Variants in MYOM1 observed in about 807,000 individuals in gnomAD.
MYOM1 encodes the protein myomesin 1.
In MYOM1, 164 loss-of-function variants were observed where a neutral mutation model predicts 205.3. The observed-to-expected ratio is 0.80, with a 90% CI of 0.70 to 0.91. The LOEUF (loss-of-function observed/expected upper bound fraction) is 0.91. Among genes scored for constraint, MYOM1 ranks in the 40% least tolerant of loss-of-function variants. The pLI is 0.00. For synonymous variants in MYOM1, 772 were observed against 789.4 expected (o/e 0.98, Z 0.37); for missense variants, 2,011 against 2,127.3 (o/e 0.95, Z 1.08).
In MYOM1 at chr18:3,219,198, G is replaced by C. The variant is rs1159785130; in HGVS notation, c.-29+605C>G. Among the ~76,000 whole-genome samples, 1 of 152,106 alleles carries C rather than the reference G, an allele frequency of 6.6e-6. No homozygotes were observed. Among genetic ancestry groups the C allele is most frequent in the African/African-American group, 2.4e-5 (1 of 41,424 alleles). On this transcript the variant is annotated intron_variant, in intron 1 of 37. Coordinates refer to ENST00000356443, the MANE Select transcript of MYOM1 (RefSeq NM_003803.4). The surrounding 1 kb of genome is among the most constrained non-coding windows in gnomAD (Gnocchi z 4.4). ...CATAGCTGTAATTTATGATACTTTTGTGCAGGCATTAGAGGGCAGAAGCTG... is the reference window on the plus strand; with the variant it reads ...CATAGCTGTAATTTATGATACTTTTCTGCAGGCATTAGAGGGCAGAAGCTG...
At chr18:3,094,958 TG>T (rs1598664327) in intron 25 of MYOM1, among the ~76,000 whole-genome samples, 1 of 152,252 alleles carries the variant, frequency 6.6e-6, no homozygotes, top group East Asian at 1.9e-4. Flanking sequence ...CTCATCTAGT[TG>T]GCATGTGCTG....
chr18:3,112,267 G>T (rs2079538015), intron 22 of MYOM1, 31 bp downstream of exon 22: 2 of 1,578,236 alleles, frequency 1.3e-6, no homozygotes, highest in Admixed American at 1.7e-5. Context: ...ACACAGATAG[G>T]ATTAGTTTTA....
chr18:3,096,495 C>T (rs2079306505), intron 25 of MYOM1, among the ~76,000 whole-genome samples: 1 of 149,970 alleles, frequency 6.7e-6, no homozygotes, highest in African/African-American at 2.5e-5. Flanking sequence ...GTCACCTAGG[C>T]AATGGCATGA....
chr18:3,164,436 A>T lies in MYOM1; in HGVS notation c.1343T>A (p.Val448Glu), dbSNP rs372285461. Reference sequence around the variant, plus strand: ...CACCCATTTTGATGGAGAAAGAGGTACTCCTAGAAATATTTTAAAAGTAAG... The same window carrying T: ...CACCCATTTTGATGGAGAAAGAGGTTCTCCTAGAAATATTTTAAAAGTAAG... The part of the protein sequence containing the change: ...QPEIQWYRNG[V>E]PLSPSKWVQT... Residue 448 changes from valine to glutamate, a missense_variant, in exon 10 of 38, where the codon GTA (valine) becomes GAA (glutamate). Coordinates refer to ENST00000356443, the MANE Select transcript of MYOM1 (RefSeq NM_003803.4). 1.3e-6 allele frequency: 2 copies of T among 1,587,686 alleles called. No individual in the cohort carries two copies. The highest frequency in any genetic ancestry group is 1.7e-6 in the Non-Finnish European group (2 of 1,170,378).
At chr18:3,228,534 A>C in the MYOM1 span, among the ~76,000 whole-genome samples, 3 of 152,210 alleles carry the variant, frequency 2.0e-5, no homozygotes, top group Non-Finnish European at 4.4e-5. The surrounding 1 kb of genome is among the most constrained non-coding windows in gnomAD (Gnocchi z 4.5). Context: ...TTTAAAAGTA[A>C]GAACCAGAAT....
chr18:3,218,088 C>T (rs1190016944), intron 1 of MYOM1, among the ~76,000 whole-genome samples: 5 of 152,174 alleles, frequency 3.3e-5, no homozygotes, highest in Non-Finnish European at 5.9e-5. Flanking sequence ...AGCAGTTCTA[C>T]TAAAAGTCAA....
chr18:3,217,687 C>G (rs1376300208), intron 1 of MYOM1, among the ~76,000 whole-genome samples: 1 of 152,086 alleles, frequency 6.6e-6, no homozygotes, highest in Non-Finnish European at 1.5e-5. Flanking sequence ...GACCATTATA[C>G]ACAGAAAAGG....
chr18:3,138,835 TG>T (rs774974002), intron 14 of MYOM1, among the ~76,000 whole-genome samples: 1 of 152,200 alleles, frequency 6.6e-6, no homozygotes, highest in Non-Finnish European at 1.5e-5. Flanking sequence ...AAGACAAGCC[TG>T]GGAAGATTGA....
At chr18:3,201,063 C>T (rs1055174536) in intron 2 of MYOM1, among the ~76,000 whole-genome samples, 3 of 151,982 alleles carry the variant, frequency 2.0e-5, no homozygotes, top group African/African-American at 4.8e-5. Flanking sequence ...AAAATGGCAC[C>T]GACATGACAT....
At chr18:3,183,486 T>C (rs1598749505) in intron 5 of MYOM1, among the ~76,000 whole-genome samples, 1 of 152,076 alleles carries the variant, frequency 6.6e-6, no homozygotes, top group African/African-American at 2.4e-5. Flanking sequence ...TGAGTGAAGG[T>C]GTCCAGTGGA....
At chr18:3,085,405 C>CT (rs1357966938) in intron 30 of MYOM1, among the ~76,000 whole-genome samples, 1 of 151,942 alleles carries the variant, frequency 6.6e-6, no homozygotes, top group African/African-American at 2.4e-5. Context: ...GCCACTGCAC[C>CT]TCACCTGCTA....
intron 15 of MYOM1, 73 bp from the exon 16 acceptor site, chr18:3,134,897 C>G (rs2079933729): frequency 7.0e-7 from 1 of 1,438,572 alleles, no homozygotes; most frequent in Admixed American, 1.7e-5. Context: ...TGCACAAACA[C>G]ACACCTAGGT....
At chr18:3,168,336 C>T (rs537021299) in intron 9 of MYOM1, among the ~76,000 whole-genome samples, 6 of 152,064 alleles carry the variant, frequency 3.9e-5, no homozygotes, top group East Asian at 1.9e-4. Context: ...GTCGCCCAGG[C>T]GGAGTGCAAT....
At chr18:3,128,769 C>T (rs147407538) in intron 18 of MYOM1, among the ~76,000 whole-genome samples, 11 of 152,118 alleles carry the variant, frequency 7.2e-5, no homozygotes, top group East Asian at 1.9e-4. Flanking sequence ...TGTGAATAAT[C>T]GCTTAATAAT....
chr18:3,072,370 T>G lies in MYOM1; in HGVS notation c.4709-481A>C, dbSNP rs112390206. Among the ~76,000 whole-genome samples the G allele has an allele frequency of 9.9e-3, 1,149 of 115,498 alleles. 10 individuals are homozygous for G. Among genetic ancestry groups the G allele is most frequent in the Middle Eastern group, 0.015 (3 of 198 alleles). The allele number at this position is 115,498 out of a possible 152,430, so 75.8% of individuals were successfully genotyped here. A position where few individuals can be genotyped will look rare whatever the true frequency, so the allele number is the denominator to read the frequency against. On this transcript the variant is annotated intron_variant, in intron 36 of 37. Transcript: ENST00000356443. ...CCCGGCTTTTTTTTTTTTTTTTTTT[T>G]TGAGGCAGAGTCTCGCTCTGTCACC... is the stretch of plus-strand genomic sequence containing the variant.
intron 29 of MYOM1, among the ~76,000 whole-genome samples, chr18:3,087,867 T>C (rs1010568448): frequency 2.6e-5 from 4 of 152,178 alleles, no homozygotes; most frequent in African/African-American, 9.7e-5. Context: ...CCAGTGAGTC[T>C]GAATGATTCG....
chr18:3,101,771 A>G (rs1418507669), intron 23 of MYOM1, among the ~76,000 whole-genome samples: 2 of 152,146 alleles, frequency 1.3e-5, no homozygotes, highest in Non-Finnish European at 2.9e-5. Flanking sequence ...TGTCAATTGA[A>G]TGTTTCTAAT....
In MYOM1 at chr18:3,100,206, G is replaced by A; in HGVS notation, c.3683-3C>T. On this transcript the variant is annotated splice_polypyrimidine_tract_variant and splice_region_variant and intron_variant, in intron 24 of 37. Coordinates refer to ENST00000356443, the MANE Select transcript of MYOM1 (RefSeq NM_003803.4). The stretch of plus-strand genomic sequence containing the variant: ...GAGAGCAAGTAAACGTTTCAATTCT[G>A]TAGGGGGAAAAAGAAGGCAGTTAAA... The A allele has an allele frequency of 1.9e-6, 3 of 1,613,896 alleles. No homozygotes were observed. Among genetic ancestry groups the A allele is most frequent in the Non-Finnish European group, 2.5e-6 (3 of 1,179,860 alleles).
At position 3,069,629 on chromosome 18, in the gene MYOM1, T is replaced by A. The variant is rs552335758; in HGVS notation, c.4765-2074A>T. ...AATGAGCAGATTAGGTATATGCTTT[T>A]GGAAACTGTGATTACTTGTAGTTAA... On this transcript the variant is annotated intron_variant, in intron 37 of 37. Transcript: ENST00000356443. Among the ~76,000 whole-genome samples the A allele has an allele frequency of 3.0e-3, 464 of 152,300 alleles. 7 individuals are homozygous for A. The highest frequency in any genetic ancestry group is 0.011 in the African/African-American group (448 of 41,554).
Sources: allele counts gnomAD v4.1 joint callset (sites outside exome capture counted in the v4.1 genomes callset), GRCh38; gene constraint gnomAD v4.1.1; non-coding constraint Gnocchi (gnomAD v3.1); transcripts MANE v1.5; gene names NCBI Gene and HGNC (gene_info 2026-07-23, HGNC 2026-07-21).